ATP2B2: variants seen among roughly 807,000 people sequenced by gnomAD.
ATP2B2 encodes the protein plasma membrane calcium-transporting ATPase 2.
ATP2B2 carries 15 observed loss-of-function variants against 120.0 expected under a neutral mutation model. The ratio of observed to expected loss-of-function variants is 0.12; its 90% CI spans 0.08 to 0.19. ATP2B2 has a LOEUF of 0.19. ATP2B2 is among the 10% of genes least tolerant of loss of function. ATP2B2 has a pLI of 1.00. For missense variants in ATP2B2, 1,045 were observed against 1,719.8 expected, an observed-to-expected ratio of 0.61 and a Z score of 6.94; for synonymous variants, 694 against 700.3, an observed-to-expected ratio of 0.99 and a Z score of 0.14.
intron 2 of ATP2B2, among the ~76,000 whole-genome samples, chr3:10,584,250 T>C (rs1335630627): frequency 6.6e-6 from 1 of 152,096 alleles, no homozygotes; most frequent in Non-Finnish European, 1.5e-5. Flanking sequence ...TTGGCAGGAA[T>C]GGGGACCAGG....
rs542460105 is a variant in ATP2B2 at position 10,497,311 on chromosome 3, T to G, written c.-320+8154A>C. 1.0e-3 allele frequency among the ~76,000 whole-genome samples: 158 copies of G among 152,346 alleles called. 1 individual carries two copies. The highest frequency in any genetic ancestry group is 3.8e-3 in the African/African-American group (156 of 41,584). On this transcript the variant is annotated intron_variant, in intron 1 of 22. Transcript: ENST00000360273. ...GGGCAAAGAGGCAGCATTGGGCTGGTGCCTGGACATTGGGCTGTGGTTCCA... is the reference window on the plus strand; with the variant it reads ...GGGCAAAGAGGCAGCATTGGGCTGGGGCCTGGACATTGGGCTGTGGTTCCA...
Position 10,559,839 on chromosome 3 carries a change from GTAT to G in ATP2B2, c.-414-25709_-414-25707del, listed in dbSNP as rs531843100. 1.5e-4 allele frequency among the ~76,000 whole-genome samples: 23 copies of G among 152,344 alleles called. No individual in the cohort carries two copies. In the East Asian group the frequency reaches 4.4e-3, roughly 29 times the overall value. On this transcript the variant is annotated intron_variant, in intron 2 of 21. Coordinates refer to the ATP2B2 transcript ENST00000646379. ...GCGGGGAGCTCAGAATGAGTCCCGG[GTAT>G]TCCATTTCCAGAGAGAAAACGATTT...
chr3:10,689,938 C>G (rs932775781), intron 1 of ATP2B2, among the ~76,000 whole-genome samples: 9 of 152,162 alleles, frequency 5.9e-5, no homozygotes, highest in Non-Finnish European at 1.2e-4. Flanking sequence ...CAAAAGGGAG[C>G]AGTGGGCAGC....
intron 1 of ATP2B2, among the ~76,000 whole-genome samples, chr3:10,681,327 G>C (rs1402046503): frequency 1.3e-5 from 2 of 152,202 alleles, no homozygotes; most frequent in Non-Finnish European, 2.9e-5. Flanking sequence ...CCAGGCCCTT[G>C]TCACCAGAGG....
intron 5 of ATP2B2, among the ~76,000 whole-genome samples, chr3:10,391,072 C>T (rs1319499976): frequency 6.6e-6 from 1 of 152,174 alleles, no homozygotes; most frequent in East Asian, 1.9e-4. Context: ...GAACACTACG[C>T]TGCATTCATA....
At chr3:10,596,987 G>A (rs556679243) in intron 2 of ATP2B2, among the ~76,000 whole-genome samples, 2 of 144,996 alleles carry the variant, frequency 1.4e-5, no homozygotes, top group Admixed American at 6.9e-5. Flanking sequence ...ACACGCACAC[G>A]CAGGTGCACA....
chr3:10,340,556 G>C lies in ATP2B2; in HGVS notation c.3066C>G (p.Val1022=). 6.2e-7 allele frequency: 1 copy of C among 1,614,266 alleles called. No homozygotes were observed. The highest frequency in any genetic ancestry group is 8.5e-7 in the Non-Finnish European group (1 of 1,180,046). The part of the protein sequence containing the change: ...NARKIHGERN[V]FDGIFRNPIF... ...TGGGGTTCCGGAAGATGCCGTCAAAGACATTGCGCTCGCCGTGGATCTTGC... is the reference window on the plus strand; with the variant it reads ...TGGGGTTCCGGAAGATGCCGTCAAACACATTGCGCTCGCCGTGGATCTTGC... The change falls in exon 20 of 23, where the codon GTC becomes GTG. Residue 1022 remains valine, a synonymous_variant. Coordinates refer to ENST00000360273, the MANE Select transcript of ATP2B2 (RefSeq NM_001001331.4). The surrounding 1 kb of genome is among the most constrained non-coding windows in gnomAD (Gnocchi z 5.0).
chr3:10,441,504 T>C (rs1282112218), intron 2 of ATP2B2, among the ~76,000 whole-genome samples: 2 of 152,190 alleles, frequency 1.3e-5, no homozygotes, highest in East Asian at 3.8e-4. Context: ...CCTCCCAAAG[T>C]GCTGGGATTA....
At chr3:10,536,241 G>A (rs1206417922) in intron 2 of ATP2B2, among the ~76,000 whole-genome samples, 1 of 150,832 alleles carries the variant, frequency 6.6e-6, no homozygotes, top group Non-Finnish European at 1.5e-5. Context: ...AGACTTTTTT[G>A]TATATGTTAG....
chr3:10,663,475 G>C (rs1405555087), intron 1 of ATP2B2, among the ~76,000 whole-genome samples: 1 of 152,104 alleles, frequency 6.6e-6, no homozygotes, highest in East Asian at 1.9e-4. Flanking sequence ...TGATGCTGAG[G>C]GGGAGCTCTG....
chr3:10,366,708 C>A (rs575627454), intron 12 of ATP2B2, among the ~76,000 whole-genome samples: 3 of 152,190 alleles, frequency 2.0e-5, no homozygotes, highest in Non-Finnish European at 2.9e-5. Flanking sequence ...AGCGTGGTGC[C>A]TCCAGAGGTC....
At chr3:10,560,097 AT>A (rs1236161681) in intron 2 of ATP2B2, among the ~76,000 whole-genome samples, 1 of 152,194 alleles carries the variant, frequency 6.6e-6, no homozygotes, top group Non-Finnish European at 1.5e-5. Context: ...AGGCAATTAA[AT>A]TTTCACAAAA....
intron 14 of ATP2B2, among the ~76,000 whole-genome samples, chr3:10,352,635 G>A (rs3774185): frequency 0.33 from 50,359 of 151,738 alleles, 9,644 homozygotes; most frequent in South Asian, 0.53. Context: ...TGGGGGCCAC[G>A]TGAGCAAGGC....
In ATP2B2 at chr3:10,385,321, T is replaced by C. The variant is rs1197959106; in HGVS notation, c.947A>G (p.Asp316Gly). 1.2e-6 allele frequency: 2 copies of C among 1,613,618 alleles called. No individual in the cohort carries two copies. The highest frequency in any genetic ancestry group is 1.7e-6 in the Non-Finnish European group (2 of 1,179,958). ...TGCAGCATTTGAAGCTGCCGCACCGTCTGCTGCTGCAGGGGGGTGGGAGGG... is the reference window on the plus strand; with the variant it reads ...TGCAGCATTTGAAGCTGCCGCACCGCCTGCTGCTGCAGGGGGGTGGGAGGG... ...KGDGLQLPAADGAAASNAADS... is the reference protein window; with the variant it reads ...KGDGLQLPAAGGAAASNAADS... The change falls in exon 8 of 23, where the codon GAC becomes GGC. Residue 316 changes from aspartate to glycine, a missense_variant. By Grantham distance (94) the Asp-to-Gly change is moderately conservative. This residue lies in a region of ATP2B2 where 145 missense variants were observed against 202.0 expected (regional missense o/e 0.72). Coordinates refer to ENST00000360273, the MANE Select transcript of ATP2B2 (RefSeq NM_001001331.4).
At chr3:10,533,396 A>G (rs1170964518) in intron 3 of ATP2B2, among the ~76,000 whole-genome samples, 3 of 152,230 alleles carry the variant, frequency 2.0e-5, no homozygotes, top group Non-Finnish European at 4.4e-5. Context: ...AGCACTTTAC[A>G]TGAATCATCT....
chr3:10,704,428 TA>T (rs1157550412), intron 1 of ATP2B2, among the ~76,000 whole-genome samples: 2 of 152,226 alleles, frequency 1.3e-5, no homozygotes, highest in Non-Finnish European at 2.9e-5. Context: ...ATCAGCTACC[TA>T]ATTTGTGGGA....
chr3:10,466,972 C>G (rs1348948972), intron 1 of ATP2B2, among the ~76,000 whole-genome samples: 5 of 152,176 alleles, frequency 3.3e-5, no homozygotes, highest in Admixed American at 6.5e-5. Context: ...TTGGGCAAGC[C>G]TGGTAATGAA....
chr3:10,587,699 C>T (rs1201896095), intron 2 of ATP2B2, among the ~76,000 whole-genome samples: 1 of 152,152 alleles, frequency 6.6e-6, no homozygotes, highest in Non-Finnish European at 1.5e-5. Flanking sequence ...TCTTCATTGT[C>T]TTCTTTTGCT....
intron 1 of ATP2B2, among the ~76,000 whole-genome samples, chr3:10,646,182 T>C (rs1575589069): frequency 6.6e-6 from 1 of 152,220 alleles, no homozygotes; most frequent in South Asian, 2.1e-4. Flanking sequence ...TCGATGGCCT[T>C]CCCTAAATCG....
Sources: gnomAD v4.1 joint callset for allele counts (sites outside exome capture counted in the v4.1 genomes callset) on GRCh38, gnomAD v4.1.1 for gene constraint, gnomAD v4.1.1 regional missense constraint, Gnocchi (gnomAD v3.1) non-coding constraint, MANE v1.5 for transcripts, NCBI Gene and HGNC (gene_info 2026-07-23, HGNC 2026-07-21) for gene names.